GZMH: variants seen among roughly 807,000 people sequenced by gnomAD.
GZMH encodes granzyme H.
GZMH carries 24 observed loss-of-function variants against 20.7 expected under a neutral mutation model. The ratio of observed to expected loss-of-function variants is 1.16; its 90% CI spans 0.84 to 1.63. GZMH has a LOEUF of 1.63. Among genes scored for constraint, GZMH ranks in the 40% most tolerant of loss-of-function variants. The pLI, the probability that GZMH is intolerant of heterozygous loss-of-function variation, is 0.00. For synonymous variants in GZMH, 119 were observed against 116.1 expected (o/e 1.02, Z -0.16); for missense variants, 344 against 302.7 (o/e 1.14, Z -1.01).
chr14:24,607,381 G>C lies in GZMH; in HGVS notation c.365C>G (p.Thr122Arg), dbSNP rs1274158924. The C allele has an allele frequency of 1.0e-5, 16 of 1,603,400 alleles. No homozygotes were observed. Among genetic ancestry groups the C allele is most frequent in the Non-Finnish European group, 1.3e-5 (15 of 1,172,306 alleles). Residue 122 changes from threonine (T) to arginine (R), a missense_variant, in exon 4 of 5, where the codon ACA becomes AGA. Transcript: ENST00000216338. ...AGGTAGCCTGAGAGGCCGCACAGCT[G>C]TGGTCCACTTGGCCTTTCTCTCCAG... Reference protein sequence around the residue: ...LQLERKAKWTTAVRPLRLPSS... With the variant: ...LQLERKAKWTRAVRPLRLPSS...
At chr14:24,608,240 G>A (rs771972775) in intron 2 of GZMH, 25 bp downstream of exon 2, 2 of 1,613,670 alleles carry the variant, frequency 1.2e-6, no homozygotes, top group South Asian at 1.1e-5. Context: ...GGGAACTCAG[G>A]AGGTGAGCTG....
chr14:24,606,492 C>T lies in GZMH; in HGVS notation c.*111G>A, dbSNP rs2138477805. The T allele has an allele frequency of 1.1e-6, 1 of 882,974 alleles. No homozygotes were observed. The highest frequency in any genetic ancestry group is 1.7e-5 in the South Asian group (1 of 60,410). 54.7% of individuals were successfully genotyped at this position (882,974 alleles called of 1,614,324 possible). A position where few individuals can be genotyped will look rare whatever the true frequency, so the allele number is the denominator to read the frequency against. On this transcript the variant is annotated 3_prime_UTR_variant, in exon 5 of 5. Coordinates refer to ENST00000216338, the MANE Select transcript of GZMH (RefSeq NM_033423.5). Reference sequence around the variant, plus strand: ...AATAAGACTTCAGTCATATTTACACCAGAGATCCATTTATTACAGTCCTGC... The same window carrying T: ...AATAAGACTTCAGTCATATTTACACTAGAGATCCATTTATTACAGTCCTGC...
rs925693659 is a variant in GZMH at position 24,606,636 on chromosome 14, C to A, written c.708G>T (p.Leu236=). 1 of 1,614,066 alleles carries A rather than the reference C, an allele frequency of 6.2e-7. No homozygotes were observed. Among genetic ancestry groups the A allele is most frequent in the Non-Finnish European group, 8.5e-7 (1 of 1,179,926 alleles). The change falls in exon 5 of 5, where the codon CTG becomes CTT. Residue 236 remains leucine, a synonymous_variant. Coordinates refer to ENST00000216338, the MANE Select transcript of GZMH (RefSeq NM_033423.5). Reference sequence around the variant, plus strand: ...GCTTCATTGTTCTCTTTATCCAGGGCAGGAAGTGTGAGACCTTGATGTAGA... The same window carrying A: ...GCTTCATTGTTCTCTTTATCCAGGGAAGGAAGTGTGAGACCTTGATGTAGA... ...PGVYIKVSHF[L]PWIKRTMKRL is the part of the protein sequence containing the mutation.
chr14:24,607,513 A>T (rs72681020), intron 3 of GZMH, 99 bp downstream of exon 3: 1 of 1,568,340 alleles, frequency 6.4e-7, no homozygotes, highest in Admixed American at 1.7e-5. Flanking sequence ...ACAGGAACTG[A>T]CCAAGAGGTC....
chr14:24,609,351 C>G (rs551422470), intron 1 of GZMH, among the ~76,000 whole-genome samples: 1 of 152,322 alleles, frequency 6.6e-6, no homozygotes, highest in East Asian at 1.9e-4. Context: ...AAGGAGAGGT[C>G]TAGGGAGAGG....
intron 1 of GZMH, among the ~76,000 whole-genome samples, chr14:24,608,934 G>A (rs1407884345): frequency 6.6e-6 from 1 of 152,248 alleles, no homozygotes; most frequent in Non-Finnish European, 1.5e-5. Flanking sequence ...GAGGTTTAGT[G>A]GGGGTAGTGC....
intron 1 of GZMH, among the ~76,000 whole-genome samples, chr14:24,609,279 T>C (rs989179735): frequency 6.6e-6 from 1 of 152,152 alleles, no homozygotes; most frequent in African/African-American, 2.4e-5. Context: ...ATTACTTATC[T>C]TTTTTAGCTT....
At position 24,606,732 on chromosome 14, in the gene GZMH, C is replaced by T. The variant is rs201865911; in HGVS notation, c.612G>A (p.Gly204=). Residue 204 remains glycine (G), a synonymous_variant, in exon 5 of 5, where the codon GGG becomes GGA. Coordinates refer to ENST00000216338, the MANE Select transcript of GZMH (RefSeq NM_033423.5). Reference sequence around the variant, plus strand: ...GGGCTACGTCCTTACACACGAGGGGCCCCCCGGAGTCCCCCTGTGAACAGA... The same window carrying T: ...GGGCTACGTCCTTACACACGAGGGGTCCCCCGGAGTCCCCCTGTGAACAGA... ...TQTGFKGDSG[G]PLVCKDVAQG... 1.5e-5 allele frequency: 24 copies of T among 1,611,988 alleles called. No homozygotes were observed. In the East Asian group the frequency reaches 3.3e-4, roughly 22 times the overall value.
chr14:24,607,098 T>G (rs927817516), intron 4 of GZMH, 51 bp downstream of exon 4: 22 of 1,569,892 alleles, frequency 1.4e-5, no homozygotes, highest in Non-Finnish European at 1.8e-5. Context: ...CAGAACTCCC[T>G]CAAGTTCCTC....
intron 1 of GZMH, 126 bp downstream of exon 1, chr14:24,609,433 G>T: frequency 1.7e-6 from 1 of 597,392 alleles, no homozygotes; most frequent in Non-Finnish European, 3.0e-6. Context: ...TCTAGCCTCA[G>T]ATTTATAAGT....
Position 24,607,607 on chromosome 14 carries a change from C to T in GZMH, c.339+5G>A. 6.2e-7 allele frequency: 1 copy of T among 1,612,244 alleles called. No homozygotes were observed. The highest frequency in any genetic ancestry group is 8.5e-7 in the Non-Finnish European group (1 of 1,179,822). The stretch of plus-strand genomic sequence containing the variant: ...AAGAGCAAGAGTGGCAGGAGTGTGC[C>T]TCACCTGCAGTAGCATGATGTCGTT... On this transcript the variant is annotated splice_donor_5th_base_variant and intron_variant, in intron 3 of 4. Transcript: ENST00000216338.
intron 3 of GZMH, 88 bp from the exon 4 acceptor site, chr14:24,607,494 C>T (rs2066878865): frequency 2.5e-6 from 4 of 1,591,742 alleles, no homozygotes; most frequent in Non-Finnish European, 3.4e-6. Flanking sequence ...CTTCCCTCTC[C>T]TCTAAGGCAC....
In GZMH at chr14:24,607,440, G is replaced by A. The variant is rs755149250; in HGVS notation, c.340-34C>T. 7.7e-6 allele frequency: 12 copies of A among 1,567,014 alleles called. No individual in the cohort carries two copies. In the Admixed American group the frequency reaches 1.0e-4, roughly 14 times the overall value. On this transcript the variant is annotated intron_variant, in intron 3 of 4. Transcript: ENST00000216338. ...GAAGAAGCAAGAAAGTCCAGGTCAGGCAATGGCCTTCTGGGCCCCGACACA... is the reference window on the plus strand; with the variant it reads ...GAAGAAGCAAGAAAGTCCAGGTCAGACAATGGCCTTCTGGGCCCCGACACA...
At position 24,607,387 on chromosome 14, in the gene GZMH, C is replaced by T; in HGVS notation, c.359G>A (p.Trp120Ter). ...CCTGAGAGGCCGCACAGCTGTGGTC[C>T]ACTTGGCCTTTCTCTCCAGCTGGTG... is the stretch of plus-strand genomic sequence containing the variant. ...MLLQLERKAK[W>*]TTAVRPLRLP... The change falls in exon 4 of 5, where the codon TGG becomes TAG. Residue 120 changes from tryptophan (W) to a stop codon, truncating the protein, a stop_gained. Transcript: ENST00000216338. LOFTEE classifies it high-confidence loss of function. The T allele has an allele frequency of 6.3e-7, 1 of 1,598,726 alleles. No individual in the cohort carries two copies. Among genetic ancestry groups the T allele is most frequent in the Non-Finnish European group, 8.6e-7 (1 of 1,169,204 alleles).
At chr14:24,607,101 AG>A (rs772350892) in intron 4 of GZMH, 47 bp downstream of exon 4, 5 of 1,574,730 alleles carry the variant, frequency 3.2e-6, no homozygotes, top group Non-Finnish European at 3.5e-6. Context: ...AACTCCCTCA[AG>A]TTCCTCTCTC....
At chr14:24,609,277 T>G (rs761418401) in intron 1 of GZMH, among the ~76,000 whole-genome samples, 12 of 152,186 alleles carry the variant, frequency 7.9e-5, no homozygotes, top group Non-Finnish European at 1.6e-4. Flanking sequence ...TAATTACTTA[T>G]CTTTTTTAGC....
Position 24,607,244 on chromosome 14 carries a change from T to C in GZMH, c.502A>G (p.Lys168Glu). The C allele has an allele frequency of 6.2e-7, 1 of 1,614,110 alleles. No individual in the cohort carries two copies. Among genetic ancestry groups the C allele is most frequent in the Non-Finnish European group, 8.5e-7 (1 of 1,179,976 alleles). The change falls in exon 4 of 5, where the codon AAG (lysine) becomes GAG (glutamate). Residue 168 changes from lysine to glutamate, a missense_variant. By Grantham distance (56) the Lys-to-Glu change is moderately conservative. Coordinates refer to ENST00000216338, the MANE Select transcript of GZMH (RefSeq NM_033423.5). ...AAGAGACGTTCACACTGGCAGTCCT[T>C]CTGCACTGTCAGCAACACTTCCTGC... ...TLQEVLLTVQ[K>E]DCQCERLFHG...
Position 24,606,612 on chromosome 14 carries a change from C to T in GZMH, c.732G>A (p.Lys244=), listed in dbSNP as rs745631627. The change falls in exon 5 of 5, where the codon AAG becomes AAA. Residue 244 remains lysine (K), a synonymous_variant. Coordinates refer to ENST00000216338, the MANE Select transcript of GZMH (RefSeq NM_033423.5). ...AGTCTCATGCCTGCTGTTAGAGGCG[C>T]TTCATTGTTCTCTTTATCCAGGGCA... ...HFLPWIKRTM[K]RL is the part of the protein sequence containing the mutation. 1 of 1,613,164 alleles carries T rather than the reference C, an allele frequency of 6.2e-7. No individual in the cohort carries two copies. Among genetic ancestry groups the T allele is most frequent in the African/African-American group, 1.3e-5 (1 of 74,816 alleles).
Position 24,609,570 on chromosome 14 carries a change from C to G in GZMH, c.44G>C (p.Gly15Ala), listed in dbSNP as rs1302390749. ...GGATAGTCACTTACCTGTCCCAGCCCCAGGGGTCAGAAGAAAGGCCAACAG... is the reference window on the plus strand; with the variant it reads ...GGATAGTCACTTACCTGTCCCAGCCGCAGGGGTCAGAAGAAAGGCCAACAG... ...LLLLAFLLTP[G>A]AGTEEIIGGH... Residue 15 changes from glycine to alanine, a missense_variant, in exon 1 of 5, where the codon GGG becomes GCG. Gly to Ala is a moderately conservative substitution (Grantham distance 60). Transcript: ENST00000216338. 1.2e-6 allele frequency: 2 copies of G among 1,608,598 alleles called. No individual in the cohort carries two copies. The highest frequency in any genetic ancestry group is 2.2e-5 in the East Asian group (1 of 44,518).
Sources: gnomAD v4.1 joint callset for allele counts (sites outside exome capture counted in the v4.1 genomes callset) on GRCh38, gnomAD v4.1.1 for gene constraint, MANE v1.5 for transcripts, NCBI Gene and HGNC (gene_info 2026-07-23, HGNC 2026-07-21) for gene names.